The following GALNTL6 variants were observed in gnomAD, a reference collection of about 807,000 sequenced individuals.
The protein encoded by GALNTL6 is polypeptide N-acetylgalactosaminyltransferase like 6, also known as polypeptide N-acetylgalactosaminyltransferase-like 6.
Under a neutral mutation model 73.7 loss-of-function variants are expected in GALNTL6, and 46 were observed. That is an observed-to-expected ratio of 0.62 (90% CI 0.49 to 0.80). The LOEUF is 0.80. Among genes scored for constraint, GALNTL6 ranks in the 30% least tolerant of loss-of-function variants. The pLI is 0.00. For missense variants in GALNTL6, 604 were observed against 755.0 expected (o/e 0.80, Z 2.34); for synonymous variants, 259 against 263.7 (o/e 0.98, Z 0.17).
At chr4:172,984,006 G>T (rs1473544017) in intron 10 of GALNTL6, among the ~76,000 whole-genome samples, 1 of 151,824 alleles carries the variant, frequency 6.6e-6, no homozygotes, top group South Asian at 2.1e-4. Flanking sequence ...ATCACATTCT[G>T]CATTCCAAAA....
At chr4:172,115,155 T>G (rs946210117) in intron 2 of GALNTL6, among the ~76,000 whole-genome samples, 2 of 152,184 alleles carry the variant, frequency 1.3e-5, no homozygotes, top group African/African-American at 4.8e-5. Flanking sequence ...CCACTTTATG[T>G]TACATAGAAA....
At chr4:173,002,880 C>T (rs138120488) in intron 10 of GALNTL6, among the ~76,000 whole-genome samples, 129 of 151,342 alleles carry the variant, frequency 8.5e-4, no homozygotes, top group African/African-American at 2.9e-3. Flanking sequence ...ATAAGCCAGA[C>T]ACAAAATGGC....
intron 9 of GALNTL6, among the ~76,000 whole-genome samples, chr4:172,935,811 T>A (rs1748584007): frequency 6.6e-6 from 1 of 152,028 alleles, no homozygotes; most frequent in African/African-American, 2.4e-5. Flanking sequence ...ACCAAAAAAG[T>A]CCAGGACCAG....
intron 3 of GALNTL6, among the ~76,000 whole-genome samples, chr4:172,277,133 A>T (rs1738860359): frequency 6.6e-6 from 1 of 151,840 alleles, no homozygotes; most frequent in East Asian, 1.9e-4. Flanking sequence ...TATTTTCTTT[A>T]CCTGATGGCT....
At chr4:171,878,362 A>T (rs112168275) in intron 2 of GALNTL6, among the ~76,000 whole-genome samples, 116 of 152,316 alleles carry the variant, frequency 7.6e-4, no homozygotes, top group African/African-American at 2.5e-3. Flanking sequence ...CAGTTTTGTT[A>T]TATTTTAATT....
chr4:172,715,473 G>T (rs10022095), intron 5 of GALNTL6, among the ~76,000 whole-genome samples: 6,923 of 152,092 alleles, frequency 0.046, 289 homozygotes, highest in African/African-American at 0.1. Flanking sequence ...AATAAGATTT[G>T]TGACAGCATT....
chr4:172,493,538 C>T (rs1185628286), intron 5 of GALNTL6, among the ~76,000 whole-genome samples: 2 of 152,130 alleles, frequency 1.3e-5, no homozygotes, highest in African/African-American at 2.4e-5. Context: ...ATTTCCAACA[C>T]TTACTTGGTA....
intron 5 of GALNTL6, among the ~76,000 whole-genome samples, chr4:172,458,210 C>T (rs779003892): frequency 1.3e-5 from 2 of 151,882 alleles, no homozygotes; most frequent in Non-Finnish European, 2.9e-5. Flanking sequence ...CTCTGGGACA[C>T]ATTTAAAGCA....
At chr4:172,342,591 C>G (rs1741607447) in intron 4 of GALNTL6, among the ~76,000 whole-genome samples, 1 of 152,186 alleles carries the variant, frequency 6.6e-6, no homozygotes, top group African/African-American at 2.4e-5. Context: ...GGTTGCAGCT[C>G]TAATATCCTC....
At chr4:171,871,808 A>T (rs1288581956) in intron 2 of GALNTL6, among the ~76,000 whole-genome samples, 1 of 152,216 alleles carries the variant, frequency 6.6e-6, no homozygotes, top group Non-Finnish European at 1.5e-5. Context: ...TATACATAAA[A>T]TTTAATAACA....
chr4:172,891,755 T>C (rs1454542713), intron 8 of GALNTL6, among the ~76,000 whole-genome samples: 2 of 152,218 alleles, frequency 1.3e-5, no homozygotes, highest in East Asian at 3.8e-4. Flanking sequence ...TTCTTTCTTC[T>C]TCTCTCTCGG....
chr4:171,817,854 A>C (rs1450762214), intron 2 of GALNTL6, among the ~76,000 whole-genome samples: 1 of 151,648 alleles, frequency 6.6e-6, no homozygotes, highest in Non-Finnish European at 1.5e-5. Context: ...AAATCAAGTC[A>C]CTGAAATAAA....
intron 5 of GALNTL6, among the ~76,000 whole-genome samples, chr4:172,516,533 C>T (rs1029253059): frequency 6.6e-5 from 10 of 151,886 alleles, no homozygotes; most frequent in African/African-American, 2.2e-4. Context: ...GTCGTTCCAA[C>T]GTAAAAGATT....
intron 12 of GALNTL6, among the ~76,000 whole-genome samples, chr4:173,022,870 G>C (rs1051812189): frequency 7.2e-5 from 11 of 152,276 alleles, no homozygotes; most frequent in African/African-American, 2.6e-4. Flanking sequence ...CAACTTTTTA[G>C]AATACTTTAC....
intron 2 of GALNTL6, among the ~76,000 whole-genome samples, chr4:171,838,193 G>A (rs925807129): frequency 3.3e-5 from 5 of 151,380 alleles, no homozygotes; most frequent in Non-Finnish European, 7.4e-5. Context: ...GCGCCATCTC[G>A]GCTCACTGCA....
At chr4:172,366,832 G>A (rs1045421588) in intron 5 of GALNTL6, among the ~76,000 whole-genome samples, 1 of 152,178 alleles carries the variant, frequency 6.6e-6, no homozygotes, top group Non-Finnish European at 1.5e-5. Flanking sequence ...AAAAGAGAAT[G>A]AATATAATAA....
intron 2 of GALNTL6, among the ~76,000 whole-genome samples, chr4:172,132,790 A>C (rs1285909762): frequency 6.6e-6 from 1 of 152,194 alleles, no homozygotes; most frequent in Non-Finnish European, 1.5e-5. Flanking sequence ...TGAGATTTGA[A>C]GAAAAAAATC....
chr4:172,941,819 A>G (rs2610193), intron 9 of GALNTL6, among the ~76,000 whole-genome samples: 3,503 of 152,330 alleles, frequency 0.023, 138 homozygotes, highest in African/African-American at 0.08. Flanking sequence ...ACTGTCTTCC[A>G]GGACCCCAAT....
chr4:172,492,137 T>C (rs1316076779), intron 5 of GALNTL6, among the ~76,000 whole-genome samples: 1 of 152,126 alleles, frequency 6.6e-6, no homozygotes, highest in Admixed American at 6.5e-5. Flanking sequence ...AAGAAAAAAT[T>C]GCGTATTATT....
Sources: allele counts gnomAD v4.1 joint callset (sites outside exome capture counted in the v4.1 genomes callset), GRCh38; gene constraint gnomAD v4.1.1; transcripts MANE v1.5; gene names NCBI Gene and HGNC (gene_info 2026-07-23, HGNC 2026-07-21).